ELP4: variants seen among roughly 807,000 people sequenced by gnomAD.
The protein encoded by ELP4 is elongator complex protein 4.
Under a neutral mutation model 48.9 loss-of-function variants are expected in ELP4, and 51 were observed. The observed-to-expected ratio is 1.04, with a 90% CI of 0.83 to 1.32. The LOEUF is 1.32. ELP4 is among the 40% of genes most tolerant of loss of function. The probability of loss-of-function intolerance (pLI) is 0.00; values close to 1 mark genes in which losing one functional copy is unlikely to be tolerated. For synonymous variants in ELP4, 210 were observed against 189.2 expected, an observed-to-expected ratio of 1.11 and a Z score of -0.90; for missense variants, 519 against 514.6, an observed-to-expected ratio of 1.01 and a Z score of -0.08.
intron 9 of ELP4, among the ~76,000 whole-genome samples, chr11:31,745,736 T>C (rs1304680248): frequency 2.0e-5 from 3 of 152,096 alleles, no homozygotes; most frequent in Admixed American, 6.6e-5. Flanking sequence ...ATACAAAAAT[T>C]AATTCAAGAT....
intron 5 of ELP4, among the ~76,000 whole-genome samples, chr11:31,613,967 TC>T (rs1214658818): frequency 1.3e-5 from 2 of 152,072 alleles, no homozygotes; most frequent in Non-Finnish European, 2.9e-5. Context: ...TGCCTTGGCC[TC>T]CCAAAGTTCT....
intron 9 of ELP4, among the ~76,000 whole-genome samples, chr11:31,735,686 C>A (rs972241765): frequency 1.3e-5 from 2 of 152,082 alleles, no homozygotes; most frequent in African/African-American, 4.8e-5. Flanking sequence ...CATTAACAGA[C>A]AAACAGAGAG....
At chr11:31,720,052 T>A (rs1946928439) in intron 9 of ELP4, 1 of 152,040 alleles carries the variant, frequency 6.6e-6, no homozygotes, top group Non-Finnish European at 1.5e-5. Context: ...TCTGACATAG[T>A]TTTGGTGAAG....
chr11:31,786,988 C>A lies in ELP4; in HGVS notation c.*3464C>A, dbSNP rs1948686912. 4.6e-6 allele frequency: 1 copy of A among 217,974 alleles called. No homozygotes were observed. The highest frequency in any genetic ancestry group is 2.3e-5 in the African/African-American group (1 of 44,202). The allele number at this position is 217,974 out of a possible 1,614,324, so 13.5% of individuals were successfully genotyped here. ...GGTGTCAAAACATCCCTGCAGATAC[C>A]CCATTGATAAATATATAAATATATG... On this transcript the variant is annotated 3_prime_UTR_variant, in exon 10 of 10. Coordinates refer to ENST00000640961, the MANE Select transcript of ELP4 (RefSeq NM_019040.5).
At chr11:31,726,875 T>C (rs1947087746) in intron 9 of ELP4, among the ~76,000 whole-genome samples, 1 of 152,196 alleles carries the variant, frequency 6.6e-6, no homozygotes, top group South Asian at 2.1e-4. Flanking sequence ...TGTTTTTCTA[T>C]AATAAACAAT....
chr11:31,704,674 A>G (rs1215221710), intron 9 of ELP4, among the ~76,000 whole-genome samples: 1 of 152,092 alleles, frequency 6.6e-6, no homozygotes, highest in Admixed American at 6.6e-5. Context: ...TAAAAAATAA[A>G]TTTTGATTTA....
intron 9 of ELP4, among the ~76,000 whole-genome samples, chr11:31,781,657 C>T (rs747311236): frequency 7.9e-5 from 12 of 152,054 alleles, no homozygotes; most frequent in Non-Finnish European, 1.5e-4. Flanking sequence ...CACCACCACA[C>T]CCAGCTAATT....
intron 3 of ELP4, among the ~76,000 whole-genome samples, chr11:31,578,812 G>T (rs1957333793): frequency 6.6e-6 from 1 of 152,148 alleles, no homozygotes; most frequent in Non-Finnish European, 1.5e-5. Context: ...AGACTTAAAT[G>T]TTAGACCTAA....
intron 9 of ELP4, chr11:31,714,817 T>C (rs1946808588): frequency 2.5e-6 from 1 of 398,466 alleles, no homozygotes; most frequent in East Asian, 3.6e-5. Flanking sequence ...TGGTTTTTTT[T>C]CTGCCTCTCT....
chr11:31,562,836 A>G (rs1342647955), intron 3 of ELP4, among the ~76,000 whole-genome samples: 2 of 152,092 alleles, frequency 1.3e-5, no homozygotes, highest in Admixed American at 1.3e-4. Flanking sequence ...ATGCCATTCT[A>G]TGACATTTTT....
At chr11:31,700,239 A>G (rs1946493732) in intron 9 of ELP4, among the ~76,000 whole-genome samples, 1 of 152,066 alleles carries the variant, frequency 6.6e-6, no homozygotes, top group Non-Finnish European at 1.5e-5. Flanking sequence ...AAAAAAAGAA[A>G]AATGGAGCAA....
chr11:31,739,818 A>G (rs117941956), intron 9 of ELP4, among the ~76,000 whole-genome samples: 192 of 152,370 alleles, frequency 1.3e-3, no homozygotes, highest in Non-Finnish European at 2.4e-3. Flanking sequence ...AAGGAAGTCC[A>G]TAATTTCCAT....
chr11:31,617,821 C>G (rs1194492425), intron 5 of ELP4, among the ~76,000 whole-genome samples: 1 of 149,556 alleles, frequency 6.7e-6, no homozygotes, highest in Non-Finnish European at 1.5e-5. Context: ...CAGATAATAA[C>G]AAGTGTTGAC....
At chr11:31,561,736 G>A (rs1227462999) in intron 3 of ELP4, among the ~76,000 whole-genome samples, 1 of 152,112 alleles carries the variant, frequency 6.6e-6, no homozygotes, top group East Asian at 1.9e-4. Flanking sequence ...GAGCCACCAT[G>A]CCTGGCCTGA....
intron 4 of ELP4, among the ~76,000 whole-genome samples, chr11:31,596,999 T>G (rs1341703169): frequency 6.6e-6 from 1 of 152,182 alleles, no homozygotes; most frequent in Non-Finnish European, 1.5e-5. Context: ...GGTAAGACAC[T>G]GTATTAGCTA....
At chr11:31,710,248 A>G (rs1184420497) in intron 9 of ELP4, among the ~76,000 whole-genome samples, 5 of 152,220 alleles carry the variant, frequency 3.3e-5, no homozygotes, top group East Asian at 3.8e-4. Flanking sequence ...TAGGTCTTGA[A>G]AAATGAACAA....
intron 9 of ELP4, among the ~76,000 whole-genome samples, chr11:31,760,010 T>C (rs1480664370): frequency 6.6e-6 from 1 of 152,220 alleles, no homozygotes; most frequent in Non-Finnish European, 1.5e-5. Context: ...GGTCAGTGTT[T>C]TCTGATTACC....
chr11:31,770,144 A>G (rs1948107771), intron 9 of ELP4, among the ~76,000 whole-genome samples: 1 of 152,116 alleles, frequency 6.6e-6, no homozygotes, highest in South Asian at 2.1e-4. Flanking sequence ...TTCAAATTCT[A>G]CACACTCTGG....
chr11:31,657,341 C>T lies in ELP4; in HGVS notation c.1143+7120C>T, dbSNP rs561533393. On this transcript the variant is annotated intron_variant, in intron 9 of 9. Transcript: ENST00000640961. ...CTGACTGGCCTGTCTGAAGTGTTCA[C>T]TGAGTTACTCACCCTCATGTACTGT... 2.0e-5 allele frequency among the ~76,000 whole-genome samples: 3 copies of T among 152,024 alleles called. No individual in the cohort carries two copies. In the East Asian group the frequency reaches 5.8e-4, roughly 29 times the overall value.
Sources: gnomAD v4.1 joint callset for allele counts (sites outside exome capture counted in the v4.1 genomes callset) on GRCh38, gnomAD v4.1.1 for gene constraint, MANE v1.5 for transcripts, NCBI Gene and HGNC (gene_info 2026-07-23, HGNC 2026-07-21) for gene names.